Variants in AMBN observed in about 807,000 individuals in gnomAD.
AMBN encodes enamel matrix protein.
A neutral mutation model predicts 48.0 loss-of-function variants in AMBN; 54 were observed. That is an observed-to-expected ratio of 1.12 (90% CI 0.90 to 1.41). AMBN has a LOEUF of 1.41. Among genes scored for constraint, AMBN ranks in the 40% most tolerant of loss-of-function variants. AMBN has a pLI of 0.00. For missense variants in AMBN, 571 were observed against 547.3 expected, an observed-to-expected ratio of 1.04 and a Z score of -0.43; for synonymous variants, 186 against 190.0, an observed-to-expected ratio of 0.98 and a Z score of 0.17.
Position 70,606,592 on chromosome 4 carries a change from G to A in AMBN, c.1206G>A (p.Met402Ile), listed in dbSNP as rs1224268883. Reference sequence around the variant, plus strand: ...TTTATAGGACCTACGATGCTGACATGACCACATCCGTGGATTTCCAGGAAG... The same window carrying A: ...TTTATAGGACCTACGATGCTGACATAACCACATCCGTGGATTTCCAGGAAG... ...ADVYRTYDAD[M>I]TTSVDFQEEA... The change falls in exon 13 of 13, where the codon ATG (methionine) becomes ATA (isoleucine). Residue 402 changes from methionine (M) to isoleucine (I), a missense_variant. By Grantham distance (10) the Met-to-Ile change is conservative. Transcript: ENST00000322937. 1.9e-6 allele frequency: 3 copies of A among 1,614,106 alleles called. No individual in the cohort carries two copies. Among genetic ancestry groups the A allele is most frequent in the East Asian group, 2.2e-5 (1 of 44,864 alleles).
chr4:70,603,018 C>T lies in AMBN; in HGVS notation c.648+8C>T, dbSNP rs1393535311. On this transcript the variant is annotated splice_region_variant and intron_variant, in intron 9 of 12. Transcript: ENST00000322937. ...GATCCACAAGGTTCAACAGTAAGTA[C>T]AGATCTCAATGAGACACTGTCTTGC... The T allele has an allele frequency of 1.9e-6, 3 of 1,602,304 alleles. No homozygotes were observed. The highest frequency in any genetic ancestry group is 1.7e-5 in the Admixed American group (1 of 58,444).
intron 12 of AMBN, among the ~76,000 whole-genome samples, 189 bp from the exon 13 acceptor site, chr4:70,605,996 C>T (rs544931617): frequency 6.6e-6 from 1 of 152,262 alleles, no homozygotes; most frequent in East Asian, 1.9e-4. Context: ...CAGATAAGTG[C>T]AGAATCCTCT....
chr4:70,593,438 T>A, intron 2 of AMBN, 43 bp downstream of exon 2: 1 of 1,514,848 alleles, frequency 6.6e-7, no homozygotes, highest in Non-Finnish European at 9.2e-7. Context: ...GGTTATTGAT[T>A]GTCGAACTCC....
intron 2 of AMBN, among the ~76,000 whole-genome samples, chr4:70,594,857 C>T (rs1737354783): frequency 6.6e-6 from 1 of 152,214 alleles, no homozygotes; most frequent in Non-Finnish European, 1.5e-5. Context: ...ATTGCCAACT[C>T]ATTGCCTGTC....
intron 6 of AMBN, chr4:70,601,930 A>C (rs1348575309): frequency 1.8e-6 from 1 of 546,100 alleles, no homozygotes; most frequent in Non-Finnish European, 3.5e-6. Flanking sequence ...CTCCCATAGG[A>C]AATAGAATAA....
intron 3 of AMBN, 50 bp downstream of exon 3, chr4:70,597,099 G>A: frequency 2.0e-6 from 3 of 1,511,616 alleles, no homozygotes; most frequent in Non-Finnish European, 2.8e-6. Flanking sequence ...TGGTATATTT[G>A]TGGTACAGGA....
At chr4:70,592,916 A>G (rs1191155315) in intron 1 of AMBN, among the ~76,000 whole-genome samples, 1 of 152,204 alleles carries the variant, frequency 6.6e-6, no homozygotes, top group Admixed American at 6.5e-5. Context: ...TACATTTCAC[A>G]TGCATTTCAA....
chr4:70,595,379 G>T (rs1292684982), intron 2 of AMBN, among the ~76,000 whole-genome samples: 49 of 151,912 alleles, frequency 3.2e-4, no homozygotes, highest in Non-Finnish European at 6.3e-4. Flanking sequence ...TAGAGACGCG[G>T]TTTCGCCATG....
At chr4:70,606,084 C>A (rs930498107) in intron 12 of AMBN, 101 bp from the exon 13 acceptor site, 274 of 1,368,530 alleles carry the variant, frequency 2.0e-4, no homozygotes, top group Non-Finnish European at 2.7e-4. Flanking sequence ...TATTCTCCAC[C>A]AGTTTTTTAG....
intron 2 of AMBN, among the ~76,000 whole-genome samples, chr4:70,593,785 A>T (rs1389553795): frequency 1.3e-5 from 2 of 151,810 alleles, no homozygotes; most frequent in Non-Finnish European, 2.9e-5. Context: ...GAATTGCTTG[A>T]ACCTGGGAGG....
At chr4:70,605,874 G>C (rs369129669) in intron 12 of AMBN, among the ~76,000 whole-genome samples, 3 of 152,298 alleles carry the variant, frequency 2.0e-5, no homozygotes, top group Admixed American at 6.5e-5. Context: ...TGTGATGGTA[G>C]TACTCATTTC....
chr4:70,592,621 A>C (rs1239936380), intron 1 of AMBN, among the ~76,000 whole-genome samples: 2 of 151,948 alleles, frequency 1.3e-5, no homozygotes, highest in Admixed American at 6.6e-5. Flanking sequence ...ATTCTTTTTA[A>C]TATTAGAAGA....
chr4:70,602,497 T>G, intron 6 of AMBN, 127 bp from the exon 7 acceptor site: 1 of 653,386 alleles, frequency 1.5e-6, no homozygotes, highest in Non-Finnish European at 2.4e-6. Flanking sequence ...TTTTAATTGT[T>G]TTATTGTAAT....
At position 70,606,992 on chromosome 4, in the gene AMBN, G is replaced by A. The variant is rs1402431028; in HGVS notation, c.*262G>A. 3 of 394,070 alleles carry A rather than the reference G, an allele frequency of 7.6e-6. No homozygotes were observed. Among genetic ancestry groups the A allele is most frequent in the African/African-American group, 4.0e-5 (2 of 49,880 alleles). 24.4% of individuals were successfully genotyped at this position (394,070 alleles called of 1,614,324 possible). The stretch of plus-strand genomic sequence containing the variant: ...TCAGAGCAAGGTTCTAAGGGTCTCA[G>A]CATTTGATCATCACTTTTTCTTAGC... On this transcript the variant is annotated 3_prime_UTR_variant, in exon 13 of 13. Coordinates refer to ENST00000322937, the MANE Select transcript of AMBN (RefSeq NM_016519.6).
rs56877949 is a variant in AMBN at position 70,605,598 on chromosome 4, AT to A, written c.799-579del. Among the ~76,000 whole-genome samples, 1,431 of 151,812 alleles carry A rather than the reference AT, an allele frequency of 9.4e-3. 13 individuals carry two copies. The highest frequency in any genetic ancestry group is 0.033 in the African/African-American group (1,376 of 41,340). ...ATTTTAGTTACTCCAGGGAAGTCACATTTTTTTTCTTAAACTTTGTGCTTTA... is the reference window on the plus strand; with the variant it reads ...ATTTTAGTTACTCCAGGGAAGTCACATTTTTTTCTTAAACTTTGTGCTTTA... On this transcript the variant is annotated intron_variant, in intron 12 of 12. Transcript: ENST00000322937.
chr4:70,603,440 C>T lies in AMBN; in HGVS notation c.733C>T (p.Pro245Ser), dbSNP rs374442005. 8.3e-5 allele frequency: 134 copies of T among 1,612,348 alleles called. No individual in the cohort carries two copies. Among genetic ancestry groups the T allele is most frequent in the Non-Finnish European group, 1.1e-4 (126 of 1,179,750 alleles). The change falls in exon 11 of 13, where the codon CCT becomes TCT. Residue 245 changes from proline to serine, a missense_variant. Pro to Ser is a moderately conservative substitution (Grantham distance 74). Coordinates refer to ENST00000322937, the MANE Select transcript of AMBN (RefSeq NM_016519.6). The part of the protein sequence containing the change: ...SPLYPGMLYV[P>S]FGANQLNAPA... ...GCTTTATCCAGGAATGTTGTACGTG[C>T]CTTTTGGAGCAAATCAATTGGTAAG...
intron 12 of AMBN, among the ~76,000 whole-genome samples, chr4:70,604,506 A>G (rs905946713): frequency 2.2e-5 from 3 of 139,256 alleles, no homozygotes; most frequent in Non-Finnish European, 3.0e-5. Flanking sequence ...TTTGCCTGTT[A>G]CATCTGTTAG....
intron 5 of AMBN, among the ~76,000 whole-genome samples, chr4:70,600,445 A>G (rs1173079113): frequency 6.6e-6 from 1 of 152,194 alleles, no homozygotes; most frequent in African/African-American, 2.4e-5. Flanking sequence ...AGTAAAAGCG[A>G]AGACATTTAA....
At chr4:70,596,292 A>G (rs1004801231) in intron 2 of AMBN, among the ~76,000 whole-genome samples, 22 of 152,080 alleles carry the variant, frequency 1.4e-4, no homozygotes, top group African/African-American at 5.3e-4. Context: ...AAAAAAAAAA[A>G]AAAGGAAAAT....
Sources: gnomAD v4.1 joint callset for allele counts (sites outside exome capture counted in the v4.1 genomes callset) on GRCh38, gnomAD v4.1.1 for gene constraint, MANE v1.5 for transcripts, NCBI Gene and HGNC (gene_info 2026-07-23, HGNC 2026-07-21) for gene names.